The following DENND1A variants were observed in gnomAD, a reference collection of about 807,000 sequenced individuals.
The protein encoded by DENND1A is DENN domain containing 1A.
Under a neutral mutation model 113.7 loss-of-function variants are expected in DENND1A, and 51 were observed. The ratio of observed to expected loss-of-function variants is 0.45; its 90% CI spans 0.36 to 0.57. The LOEUF is 0.57. Ranked by LOEUF, DENND1A falls within the 20% of genes least tolerant of loss-of-function variation. The probability of loss-of-function intolerance (pLI) is 0.00; values close to 1 mark genes in which losing one functional copy is unlikely to be tolerated. For synonymous variants in DENND1A, 565 were observed against 570.8 expected, an observed-to-expected ratio of 0.99 and a Z score of 0.14; for missense variants, 1,258 against 1,395.9, an observed-to-expected ratio of 0.90 and a Z score of 1.57.
intron 1 of DENND1A, among the ~76,000 whole-genome samples, chr9:123,929,504 G>A (rs916826903): frequency 2.0e-5 from 3 of 152,184 alleles, no homozygotes; most frequent in African/African-American, 7.2e-5. Context: ...CTCCGGACCT[G>A]CCAACTTTCA....
chr9:123,568,283 A>G (rs1223868791), intron 12 of DENND1A, among the ~76,000 whole-genome samples: 1 of 152,182 alleles, frequency 6.6e-6, no homozygotes, highest in Non-Finnish European at 1.5e-5. Flanking sequence ...TAGGCAAGTT[A>G]CTTGGCCCCT....
intron 13 of DENND1A, among the ~76,000 whole-genome samples, chr9:123,526,992 T>A (rs2054902218): frequency 6.6e-6 from 1 of 152,224 alleles, no homozygotes; most frequent in Non-Finnish European, 1.5e-5. Context: ...TCAACATGAA[T>A]AAGCTTGAAG....
In DENND1A at chr9:123,406,330, G is replaced by A. The variant is rs534017029; in HGVS notation, c.1543-2840C>T. On this transcript the variant is annotated intron_variant, in intron 20 of 23. Coordinates refer to ENST00000394215, the MANE Select transcript of DENND1A (RefSeq NM_001352964.2). ...CATCTGTGGGGTGATTGTGAAGCCC[G>A]GATACAGGGAAAGTCCCCCCAAGGG... Among the ~76,000 whole-genome samples the A allele has an allele frequency of 6.6e-5, 10 of 152,304 alleles. No individual in the cohort carries two copies. The South Asian group carries it at 1.9e-3, about 28-fold the overall frequency.
At chr9:123,812,694 G>A (rs755153494) in intron 2 of DENND1A, among the ~76,000 whole-genome samples, 39 of 151,954 alleles carry the variant, frequency 2.6e-4, no homozygotes, top group Admixed American at 7.2e-4. Flanking sequence ...CTTCATTTTA[G>A]TGATAGAATC....
chr9:123,418,458 T>C (rs2044933423), intron 19 of DENND1A, among the ~76,000 whole-genome samples: 1 of 152,216 alleles, frequency 6.6e-6, no homozygotes, highest in Non-Finnish European at 1.5e-5. Flanking sequence ...CAAAACACAT[T>C]GTTTCCAAAA....
chr9:123,830,115 T>C (rs1839957129), intron 2 of DENND1A, among the ~76,000 whole-genome samples: 1 of 152,140 alleles, frequency 6.6e-6, no homozygotes, highest in Non-Finnish European at 1.5e-5. Context: ...GATAAGCAAA[T>C]TATAATATTT....
At chr9:123,710,632 T>C (rs2066518283) in intron 5 of DENND1A, among the ~76,000 whole-genome samples, 1 of 152,066 alleles carries the variant, frequency 6.6e-6, no homozygotes, top group South Asian at 2.1e-4. Context: ...AGGGACAAGC[T>C]GTACTCCCTA....
intron 19 of DENND1A, among the ~76,000 whole-genome samples, chr9:123,432,719 A>G (rs1314904410): frequency 6.6e-6 from 1 of 152,200 alleles, no homozygotes; most frequent in Non-Finnish European, 1.5e-5. Flanking sequence ...TGGGCAGAAA[A>G]AATGACTGGA....
chr9:123,578,842 T>TG (rs2058748076), intron 12 of DENND1A, among the ~76,000 whole-genome samples: 1 of 151,004 alleles, frequency 6.6e-6, no homozygotes, highest in African/African-American at 2.4e-5. Flanking sequence ...CAGTGTGTGT[T>TG]TGTGTGTGTG....
chr9:123,444,845 G>A (rs1217057156), intron 18 of DENND1A, among the ~76,000 whole-genome samples: 2 of 152,134 alleles, frequency 1.3e-5, no homozygotes, highest in Non-Finnish European at 2.9e-5. Context: ...TTTTTAAAAA[G>A]CAGAAACAAG....
chr9:123,735,550 G>T (rs2068499644), intron 5 of DENND1A, among the ~76,000 whole-genome samples: 1 of 152,130 alleles, frequency 6.6e-6, no homozygotes. Context: ...GGTCGTCCGT[G>T]ACACATACCA....
intron 13 of DENND1A, among the ~76,000 whole-genome samples, chr9:123,551,632 G>C (rs999945365): frequency 6.6e-6 from 1 of 152,224 alleles, no homozygotes; most frequent in Non-Finnish European, 1.5e-5. Flanking sequence ...GCAACTCGGA[G>C]TTGAACTGAG....
In DENND1A at chr9:123,523,041, T is replaced by C. The variant is rs115400805; in HGVS notation, c.993+34529A>G. 6.1e-3 allele frequency among the ~76,000 whole-genome samples: 929 copies of C among 152,346 alleles called. 12 individuals are homozygous for C. Among genetic ancestry groups the C allele is most frequent in the African/African-American group, 0.021 (874 of 41,584 alleles). On this transcript the variant is annotated intron_variant, in intron 13 of 23. Transcript: ENST00000394215. The stretch of plus-strand genomic sequence containing the variant: ...GAGAAACATGGAGGTAAAGCATTAA[T>C]GTGAGGCCACATCTAATTGCTAACA...
chr9:123,811,888 A>G (rs949582316), intron 2 of DENND1A, among the ~76,000 whole-genome samples: 1 of 152,218 alleles, frequency 6.6e-6, no homozygotes, highest in African/African-American at 2.4e-5. Flanking sequence ...TTGTAATTGG[A>G]CCTCTGAAAT....
At chr9:123,803,758 A>T (rs563280640) in intron 2 of DENND1A, among the ~76,000 whole-genome samples, 1 of 152,312 alleles carries the variant, frequency 6.6e-6, no homozygotes, top group African/African-American at 2.4e-5. Flanking sequence ...CCCACTTTCC[A>T]ACAGCTACCA....
intron 19 of DENND1A, among the ~76,000 whole-genome samples, chr9:123,426,210 C>G (rs4472588): frequency 0.99 from 150,517 of 152,298 alleles, 74,403 homozygotes; most frequent in Middle Eastern, 1. Flanking sequence ...GTCAGGGAGA[C>G]AATCCTGGAG....
At chr9:123,900,897 G>A (rs1851511829) in intron 1 of DENND1A, among the ~76,000 whole-genome samples, 1 of 152,172 alleles carries the variant, frequency 6.6e-6, no homozygotes, top group Non-Finnish European at 1.5e-5. Flanking sequence ...TTCTCCATAG[G>A]ATTGTTAATA....
intron 13 of DENND1A, among the ~76,000 whole-genome samples, chr9:123,468,348 C>T (rs890661809): frequency 6.6e-6 from 1 of 152,118 alleles, no homozygotes; most frequent in African/African-American, 2.4e-5. Flanking sequence ...TATTTTAATC[C>T]CCAATGCCAG....
At chr9:123,520,832 G>T (rs966446153) in intron 13 of DENND1A, among the ~76,000 whole-genome samples, 1 of 152,168 alleles carries the variant, frequency 6.6e-6, no homozygotes, top group Non-Finnish European at 1.5e-5. Context: ...GCACGCAGTA[G>T]GCATTTAGAA....
Sources: allele counts gnomAD v4.1 joint callset (sites outside exome capture counted in the v4.1 genomes callset), GRCh38; gene constraint gnomAD v4.1.1; transcripts MANE v1.5; gene names NCBI Gene and HGNC (gene_info 2026-07-23, HGNC 2026-07-21).